Variants in NEGR1 observed in about 807,000 individuals in gnomAD.
NEGR1 encodes neuronal growth regulator 1.
In NEGR1, 10 loss-of-function variants were observed where a neutral mutation model predicts 40.9. The observed-to-expected ratio is 0.24, with a 90% confidence interval of 0.15 to 0.42. The LOEUF (loss-of-function observed/expected upper bound fraction) is 0.42, where lower values mean the gene tolerates loss of function less well. Among genes scored for constraint, NEGR1 ranks in the 10% least tolerant of loss-of-function variants. NEGR1 has a pLI of 1.00. For missense variants in NEGR1, 352 were observed against 438.9 expected, an observed-to-expected ratio of 0.80 and a Z score of 1.77; for synonymous variants, 185 against 166.8, an observed-to-expected ratio of 1.11 and a Z score of -0.84.
At chr1:72,039,894 G>A (rs1458420734) in intron 1 of NEGR1, among the ~76,000 whole-genome samples, 1 of 151,866 alleles carries the variant, frequency 6.6e-6, no homozygotes, top group African/African-American at 2.4e-5. Flanking sequence ...TTTGAGAAGT[G>A]TTTCTGATGA....
chr1:72,208,875 G>A (rs1429326399), intron 1 of NEGR1, among the ~76,000 whole-genome samples: 2 of 151,484 alleles, frequency 1.3e-5, no homozygotes, highest in African/African-American at 4.8e-5. Context: ...AAACAGTCAA[G>A]TTACATCTAT....
chr1:71,766,038 G>A (rs912299928), intron 3 of NEGR1, among the ~76,000 whole-genome samples: 1 of 152,138 alleles, frequency 6.6e-6, no homozygotes, highest in Admixed American at 6.5e-5. Context: ...GCTGGGCTTG[G>A]TGGCATGCGC....
intron 6 of NEGR1, among the ~76,000 whole-genome samples, chr1:71,434,887 C>A (rs376770416): frequency 9.2e-5 from 14 of 152,224 alleles, no homozygotes; most frequent in Admixed American, 6.5e-5. Context: ...GTCAGGAGAT[C>A]AAGACCATCC....
At chr1:72,083,395 C>T (rs1013547636) in intron 1 of NEGR1, among the ~76,000 whole-genome samples, 3 of 151,628 alleles carry the variant, frequency 2.0e-5, no homozygotes, top group East Asian at 1.9e-4. Context: ...TTTCCCAGGC[C>T]GGAATGCAGT....
At chr1:71,665,299 T>C (rs1652205748) in intron 4 of NEGR1, among the ~76,000 whole-genome samples, 1 of 152,216 alleles carries the variant, frequency 6.6e-6, no homozygotes, top group Non-Finnish European at 1.5e-5. Flanking sequence ...TGAAGTTCAA[T>C]GTACTTCCTA....
At chr1:71,831,779 A>G (rs1482680266) in intron 2 of NEGR1, among the ~76,000 whole-genome samples, 1 of 145,558 alleles carries the variant, frequency 6.9e-6, no homozygotes, top group East Asian at 2.0e-4. Context: ...AGGAAAGACC[A>G]AGGATATTTT....
At chr1:72,165,789 T>C (rs1651743830) in intron 1 of NEGR1, among the ~76,000 whole-genome samples, 1 of 152,046 alleles carries the variant, frequency 6.6e-6, no homozygotes, top group African/African-American at 2.4e-5. Flanking sequence ...TGCTTTCCAC[T>C]ATTCTTAAAC....
chr1:72,244,064 C>T (rs1485598424), intron 1 of NEGR1, among the ~76,000 whole-genome samples: 2 of 151,714 alleles, frequency 1.3e-5, no homozygotes, highest in African/African-American at 4.8e-5. Flanking sequence ...ACAGTTAATT[C>T]TGCCTCATTA....
intron 1 of NEGR1, among the ~76,000 whole-genome samples, chr1:72,110,685 G>T (rs984999895): frequency 1.4e-4 from 21 of 151,438 alleles, no homozygotes; most frequent in Admixed American, 6.0e-4. Context: ...ATTTAGGAGG[G>T]TATTGTTTAA....
At chr1:71,611,540 C>T (rs1419599922) in intron 4 of NEGR1, among the ~76,000 whole-genome samples, 6 of 152,106 alleles carry the variant, frequency 3.9e-5, no homozygotes, top group Admixed American at 1.3e-4. Context: ...GATTTCCTCA[C>T]AAAAATACTC....
rs138554463 is a variant in NEGR1 at position 71,672,800 on chromosome 1, A to G, written c.667+25208T>C. Among the ~76,000 whole-genome samples, 332 of 152,344 alleles carry G rather than the reference A, an allele frequency of 2.2e-3. 1 individual carries two copies. The highest frequency in any genetic ancestry group is 7.6e-3 in the African/African-American group (314 of 41,584). ...ATAGTTGGTGTCAATAAATTATAAA[A>G]TAATAAAACTAACAGATCATGAATG... On this transcript the variant is annotated intron_variant, in intron 4 of 6. Coordinates refer to ENST00000357731, the MANE Select transcript of NEGR1 (RefSeq NM_173808.3).
At chr1:72,109,113 T>C (rs187688424) in intron 1 of NEGR1, among the ~76,000 whole-genome samples, 2 of 151,812 alleles carry the variant, frequency 1.3e-5, no homozygotes, top group Admixed American at 1.3e-4. Context: ...TATAAAATTA[T>C]TTAATGATCT....
At chr1:71,956,308 T>C (rs896190460) in intron 1 of NEGR1, among the ~76,000 whole-genome samples, 1 of 152,166 alleles carries the variant, frequency 6.6e-6, no homozygotes, top group African/African-American at 2.4e-5. Flanking sequence ...ATAAATTATC[T>C]TCTACCGTGA....
chr1:71,679,385 T>C (rs1278252813), intron 4 of NEGR1, among the ~76,000 whole-genome samples: 1 of 152,202 alleles, frequency 6.6e-6, no homozygotes, highest in African/African-American at 2.4e-5. Context: ...TATAGTATAC[T>C]TTTCATTTAA....
intron 4 of NEGR1, among the ~76,000 whole-genome samples, chr1:71,653,530 T>C (rs1162980597): frequency 6.6e-6 from 1 of 152,190 alleles, no homozygotes; most frequent in Non-Finnish European, 1.5e-5. Flanking sequence ...TTTTCATTTA[T>C]TGTGTTTTTT....
intron 1 of NEGR1, among the ~76,000 whole-genome samples, chr1:72,070,404 C>T (rs991284276): frequency 6.6e-6 from 1 of 151,752 alleles, no homozygotes; most frequent in South Asian, 2.1e-4. Flanking sequence ...AATTTAAAGT[C>T]CTGTCAATAT....
At chr1:72,207,748 A>C in intron 1 of NEGR1, among the ~76,000 whole-genome samples, 1 of 151,728 alleles carries the variant, frequency 6.6e-6, no homozygotes, top group East Asian at 1.9e-4. Flanking sequence ...TTTTTAGATA[A>C]ATACTTATTT....
At chr1:72,009,340 T>G (rs1334388417) in intron 1 of NEGR1, among the ~76,000 whole-genome samples, 2 of 152,106 alleles carry the variant, frequency 1.3e-5, no homozygotes, top group Non-Finnish European at 2.9e-5. Flanking sequence ...CAGTTCCTCT[T>G]CTAAGTTATC....
chr1:72,022,379 G>T (rs1245596489), intron 1 of NEGR1, among the ~76,000 whole-genome samples: 1 of 147,170 alleles, frequency 6.8e-6, no homozygotes, highest in African/African-American at 2.5e-5. Context: ...TCTATTTAGT[G>T]ATATGGTACT....
Sources: allele counts gnomAD v4.1 joint callset (sites outside exome capture counted in the v4.1 genomes callset), GRCh38; gene constraint gnomAD v4.1.1; transcripts MANE v1.5; gene names NCBI Gene and HGNC (gene_info 2026-07-23, HGNC 2026-07-21).